TEP1: variants seen among roughly 807,000 people sequenced by gnomAD.
The protein encoded by TEP1 is telomerase associated protein 1, also known as telomerase protein component 1.
Under a neutral mutation model 306.3 loss-of-function variants are expected in TEP1, and 241 were observed. That is an observed-to-expected ratio of 0.79 (90% CI 0.71 to 0.88). The LOEUF (loss-of-function observed/expected upper bound fraction) is 0.88, where lower values mean the gene tolerates loss of function less well. TEP1 is among the 40% of genes least tolerant of loss of function. TEP1 has a pLI of 0.00. For missense variants in TEP1, 3,051 were observed against 3,276.1 expected (o/e 0.93, Z 1.68); for synonymous variants, 1,289 against 1,305.5 (o/e 0.99, Z 0.27).
chr14:20,381,843 A>C lies in TEP1; in HGVS notation c.4424+70T>G, dbSNP rs1876571490. The C allele has an allele frequency of 3.8e-6, 6 of 1,586,464 alleles. No homozygotes were observed. The highest frequency in any genetic ancestry group is 5.1e-6 in the Non-Finnish European group (6 of 1,167,638). On this transcript the variant is annotated intron_variant, in intron 30 of 54. Coordinates refer to ENST00000262715, the MANE Select transcript of TEP1 (RefSeq NM_007110.5). The surrounding 1 kb of genome is among the most constrained non-coding windows in gnomAD (Gnocchi z 4.0). ...TCTGGGAGCCAGTTGTTGAAGCTAT[A>C]CAGAGGGCCCCGGCTCAAAGAAGGG...
Position 20,391,712 on chromosome 14 carries a change from C to T in TEP1, c.1984G>A (p.Ala662Thr), listed in dbSNP as rs760549561. ...LNRYRQALETAVNLSVKHSLP... is the reference protein window; with the variant it reads ...LNRYRQALETTVNLSVKHSLP... The stretch of plus-strand genomic sequence containing the variant: ...CTGTGCTTCACAGAGAGGTTCACAG[C>T]TGTCTCTAGGGCCTGTCGGTACCTG... Residue 662 changes from alanine to threonine, a missense_variant, in exon 13 of 55, where the codon GCT (alanine) becomes ACT (threonine). Physicochemically the swap from Ala to Thr is moderately conservative, Grantham distance 58 (BLOSUM62 0). Around this residue, in one of 3 missense-constraint regions of TEP1, gnomAD observed 1,507 missense variants for 1,550.5 expected, o/e 0.97. Transcript: ENST00000262715. The T allele has an allele frequency of 1.2e-6, 2 of 1,614,100 alleles. No individual in the cohort carries two copies. The highest frequency in any genetic ancestry group is 1.3e-5 in the African/African-American group (1 of 74,940).
At chr14:20,389,849 T>A in intron 15 of TEP1, 109 bp from the exon 16 acceptor site, 1 of 1,375,632 alleles carries the variant, frequency 7.3e-7, no homozygotes, top group Non-Finnish European at 9.9e-7. Context: ...CTGAGAGGAG[T>A]ACCTCTCCTG....
chr14:20,401,599 A>C lies in TEP1; in HGVS notation c.1267-18T>G. The C allele has an allele frequency of 2.5e-6, 4 of 1,613,802 alleles. No homozygotes were observed. The highest frequency in any genetic ancestry group is 3.4e-6 in the Non-Finnish European group (4 of 1,179,818). ...TTCTCAAACTGTGGAAACATCCCCA[A>C]GTCCCACAGGGGTCCTTTCATCCAT... On this transcript the variant is annotated intron_variant, in intron 7 of 54. Coordinates refer to ENST00000262715, the MANE Select transcript of TEP1 (RefSeq NM_007110.5).
At chr14:20,378,602 C>T in intron 37 of TEP1, 67 bp from the exon 38 acceptor site, 1 of 1,605,712 alleles carries the variant, frequency 6.2e-7, no homozygotes, top group Non-Finnish European at 8.5e-7. Flanking sequence ...TCCCAGACCT[C>T]CAGGAGCAAC....
Position 20,391,832 on chromosome 14 carries a change from G to A in TEP1, c.1929-65C>T, listed in dbSNP as rs1294316748. The stretch of plus-strand genomic sequence containing the variant: ...TTATCTGCCCCTTAGAGGCAGACGG[G>A]GAGATGAGAAGTTGCCACTAAGTAT... On this transcript the variant is annotated intron_variant, in intron 12 of 54. Coordinates refer to ENST00000262715, the MANE Select transcript of TEP1 (RefSeq NM_007110.5). The A allele has an allele frequency of 5.1e-6, 8 of 1,567,878 alleles. No individual in the cohort carries two copies. In the Admixed American group the frequency reaches 1.4e-4, roughly 28 times the overall value.
chr14:20,405,840 C>G (rs1879129404), intron 3 of TEP1, among the ~76,000 whole-genome samples: 1 of 151,934 alleles, frequency 6.6e-6, no homozygotes, highest in African/African-American at 2.4e-5. Flanking sequence ...ATGGCGAAAT[C>G]CCATCCCTAC....
In TEP1 at chr14:20,408,396, A is replaced by G; in HGVS notation, c.44T>C (p.Leu15Pro). Residue 15 changes from leucine (L) to proline (P), a missense_variant, in exon 2 of 55, where the codon CTC becomes CCC. Physicochemically the swap from Leu to Pro is moderately conservative, Grantham distance 98. Coordinates refer to ENST00000262715, the MANE Select transcript of TEP1 (RefSeq NM_007110.5). ...HGHVSAHPDI[L>P]SLENRCLAML... ...AGCCAGGCACCGGTTCTCCAAGGAG[A>G]GGATGTCTGGATGGGCAGACACATG... 1 of 1,614,032 alleles carries G rather than the reference A, an allele frequency of 6.2e-7. No homozygotes were observed. Among genetic ancestry groups the G allele is most frequent in the East Asian group, 2.2e-5 (1 of 44,876 alleles).
intron 12 of TEP1, among the ~76,000 whole-genome samples, chr14:20,392,262 C>A (rs1180781311): frequency 1.3e-5 from 2 of 152,128 alleles, no homozygotes; most frequent in Non-Finnish European, 2.9e-5. Flanking sequence ...AATGATAAAA[C>A]CCTCATTCTG....
At position 20,383,603 on chromosome 14, in the gene TEP1, G is replaced by C. The variant is rs1476437680; in HGVS notation, c.3752C>G (p.Ser1251Cys). ...CTGGCCAGGATGCAGGGACTCAGCA[G>C]ACTTGGGCAGCAGCCTCTGCTGCAG... Reference protein sequence around the residue: ...WELQQRLLPKSAESLHPGQTQ... With the variant: ...WELQQRLLPKCAESLHPGQTQ... The change falls in exon 26 of 55, where the codon TCT (serine) becomes TGT (cysteine). Residue 1251 changes from serine (S) to cysteine (C), a missense_variant. Physicochemically the swap from Ser to Cys is moderately radical, Grantham distance 112 (BLOSUM62 -1). Coordinates refer to ENST00000262715, the MANE Select transcript of TEP1 (RefSeq NM_007110.5). The C allele has an allele frequency of 6.2e-7, 1 of 1,613,728 alleles. No individual in the cohort carries two copies. The highest frequency in any genetic ancestry group is 8.5e-7 in the Non-Finnish European group (1 of 1,179,950).
In TEP1 at chr14:20,372,801, G is replaced by A. The variant is rs752764529; in HGVS notation, c.7008C>T (p.Leu2336=). Residue 2336 remains leucine (L), a synonymous_variant, in exon 49 of 55, where the codon CTC becomes CTT. Transcript: ENST00000262715. The stretch of plus-strand genomic sequence containing the variant: ...ACTCGCTGATTTTCTCATCAGCACT[G>A]AGGACAAAAAAGGTGTGTGCCGAGG... ...IWSSAHTFFV[L]SADEKISEWQ... 1.5e-5 allele frequency: 24 copies of A among 1,614,118 alleles called. No individual in the cohort carries two copies. The highest frequency in any genetic ancestry group is 1.9e-5 in the Non-Finnish European group (22 of 1,180,030).
rs1877494384 is a variant in TEP1 at position 20,389,263 on chromosome 14, A to C, written c.2500T>G (p.Ser834Ala). ...TDLNPNDVTL[S>A]GCTDAILKFI... is the part of the protein sequence containing the mutation. ...TTCAGTATCGCATCAGTACAGCCTG[A>C]GAGTGTCACATCATTGGGATTCAAA... Residue 834 changes from serine to alanine, a missense_variant, in exon 17 of 55, where the codon TCA becomes GCA. Physicochemically the swap from Ser to Ala is moderately conservative, Grantham distance 99. Transcript: ENST00000262715. 9.9e-6 allele frequency: 16 copies of C among 1,614,082 alleles called. No individual in the cohort carries two copies. The highest frequency in any genetic ancestry group is 1.4e-5 in the Non-Finnish European group (16 of 1,180,030).
In TEP1 at chr14:20,387,961, A is replaced by G. The variant is rs773015509; in HGVS notation, c.2628T>C (p.Ser876=). The change falls in exon 18 of 55, where the codon TCT becomes TCC. Residue 876 remains serine (S), a synonymous_variant. Coordinates refer to ENST00000262715, the MANE Select transcript of TEP1 (RefSeq NM_007110.5). ...GAGTGTCCTCTTCCAGTGGCCGGAGAGACTGGACCCCTGTCTTTCCTGGGG... is the reference window on the plus strand; with the variant it reads ...GAGTGTCCTCTTCCAGTGGCCGGAGGGACTGGACCCCTGTCTTTCCTGGGG... ...PPPPGKTGVQ[S]LRPLEEDTPS... The G allele has an allele frequency of 6.2e-7, 1 of 1,614,026 alleles. No individual in the cohort carries two copies.
intron 41 of TEP1, 22 bp from the exon 42 acceptor site, chr14:20,376,286 G>A: frequency 6.2e-7 from 1 of 1,602,270 alleles, no homozygotes; most frequent in African/African-American, 1.3e-5. Context: ...AAAGAGAGAG[G>A]GAACAGCTTC....
At chr14:20,377,191 G>T in intron 41 of TEP1, 89 bp downstream of exon 41, 1 of 1,126,270 alleles carries the variant, frequency 8.9e-7, no homozygotes, top group Non-Finnish European at 1.2e-6. Context: ...CTCTAGCCTG[G>T]GCAACAAGAG....
At position 20,401,504 on chromosome 14, in the gene TEP1, C is replaced by T. The variant is rs1878745199; in HGVS notation, c.1344G>A (p.Leu448=). 6.2e-7 allele frequency: 1 copy of T among 1,614,206 alleles called. No individual in the cohort carries two copies. The highest frequency in any genetic ancestry group is 8.5e-7 in the Non-Finnish European group (1 of 1,180,032). The part of the protein sequence containing the change: ...RFTLKKLVQR[L]HIHKPAQHVQ... The stretch of plus-strand genomic sequence containing the variant: ...CGTGCTGGGCAGGCTTGTGGATGTG[C>T]AGTCGCTGAACCAGCTTCTTCAGGG... Residue 448 remains leucine (L), a synonymous_variant, in exon 8 of 55, where the codon CTG becomes CTA. Coordinates refer to ENST00000262715, the MANE Select transcript of TEP1 (RefSeq NM_007110.5).
At chr14:20,410,645 C>T (rs193152744) in intron 1 of TEP1, among the ~76,000 whole-genome samples, 7 of 146,902 alleles carry the variant, frequency 4.8e-5, no homozygotes, top group Admixed American at 2.1e-4. Context: ...TTCCACTATG[C>T]TGGCCAGGCT....
intron 51 of TEP1, among the ~76,000 whole-genome samples, chr14:20,370,845 A>T (rs888845474): frequency 6.6e-6 from 1 of 152,238 alleles, no homozygotes; most frequent in Non-Finnish European, 1.5e-5. Flanking sequence ...ACTCAATCCA[A>T]AAAGTGTTGA....
At chr14:20,370,094 A>G (rs533073543) in intron 51 of TEP1, among the ~76,000 whole-genome samples, 71 of 152,098 alleles carry the variant, frequency 4.7e-4, no homozygotes, top group Non-Finnish European at 9.7e-4. Flanking sequence ...TTTTATTTTT[A>G]GTAAAGATGG....
intron 9 of TEP1, among the ~76,000 whole-genome samples, chr14:20,398,248 G>T (rs1878370732): frequency 6.6e-6 from 1 of 151,592 alleles, no homozygotes; most frequent in South Asian, 2.1e-4. Context: ...CGTGGTGGTG[G>T]TCGCCTGTAA....
Sources: allele counts gnomAD v4.1 joint callset (sites outside exome capture counted in the v4.1 genomes callset), GRCh38; gene constraint gnomAD v4.1.1; regional missense constraint gnomAD v4.1.1; non-coding constraint Gnocchi (gnomAD v3.1); transcripts MANE v1.5; gene names NCBI Gene and HGNC (gene_info 2026-07-23, HGNC 2026-07-21).